Variants in SPON1 observed in about 807,000 individuals in gnomAD.
SPON1 encodes the protein spondin 1, also known as spondin-1.
A neutral mutation model predicts 111.7 loss-of-function variants in SPON1; 52 were observed. The ratio of observed to expected loss-of-function variants is 0.47; its 90% CI spans 0.37 to 0.59. The LOEUF is 0.59. SPON1 is among the 20% of genes least tolerant of loss of function. SPON1 has a pLI of 0.00. For synonymous variants in SPON1, 410 were observed against 395.8 expected (o/e 1.04, Z -0.43); for missense variants, 957 against 1,068.5 (o/e 0.90, Z 1.46).
At chr11:14,237,166 A>C (rs143601508) in intron 6 of SPON1, among the ~76,000 whole-genome samples, 1 of 152,324 alleles carries the variant, frequency 6.6e-6, no homozygotes, top group East Asian at 1.9e-4. Context: ...CAGAACACTC[A>C]CCCAGGCATG....
intron 5 of SPON1, among the ~76,000 whole-genome samples, chr11:14,104,021 A>C (rs1849165935): frequency 6.6e-6 from 1 of 152,140 alleles, no homozygotes; most frequent in South Asian, 2.1e-4. Flanking sequence ...CATAATTAAC[A>C]GTTAGCTTGC....
At chr11:13,977,781 T>C (rs538683475) in intron 1 of SPON1, among the ~76,000 whole-genome samples, 1 of 152,304 alleles carries the variant, frequency 6.6e-6, no homozygotes, top group South Asian at 2.1e-4. Flanking sequence ...TATTTCATGC[T>C]GCCTTCTTAA....
intron 13 of SPON1, 111 bp from the exon 14 acceptor site, chr11:14,260,477 T>C: frequency 7.9e-7 from 1 of 1,258,502 alleles, no homozygotes; most frequent in Non-Finnish European, 1.1e-6. Flanking sequence ...CCAATTCCAC[T>C]TTATTCCAGG....
chr11:14,249,445 G>A (rs185209037), intron 7 of SPON1, among the ~76,000 whole-genome samples: 6 of 152,300 alleles, frequency 3.9e-5, no homozygotes, highest in African/African-American at 1.4e-4. Context: ...TAAACACAGC[G>A]TTTTCCAACG....
intron 6 of SPON1, among the ~76,000 whole-genome samples, chr11:14,182,646 G>A (rs9804490): frequency 0.4 from 61,033 of 151,948 alleles, 12,402 homozygotes; most frequent in East Asian, 0.55. Context: ...AGCTAAAATC[G>A]AGTCCCCATT....
At chr11:14,095,366 C>T (rs533035457) in intron 5 of SPON1, among the ~76,000 whole-genome samples, 1 of 151,790 alleles carries the variant, frequency 6.6e-6, no homozygotes, top group Non-Finnish European at 1.5e-5. Context: ...TACAGTTCTC[C>T]AGAGAAACAG....
intron 1 of SPON1, among the ~76,000 whole-genome samples, chr11:13,973,471 G>A (rs1528651): frequency 0.83 from 126,194 of 152,170 alleles, 52,508 homozygotes; most frequent in East Asian, 0.97. Context: ...TGCTATCCAC[G>A]TGTTGTTCAG....
In SPON1 at chr11:14,266,739, A is replaced by AAAGTT. The variant is rs1849274444; in HGVS notation, c.*1054_*1058dup. On this transcript the variant is annotated 3_prime_UTR_variant, in exon 16 of 16. Coordinates refer to ENST00000576479, the MANE Select transcript of SPON1 (RefSeq NM_006108.4). Reference sequence around the variant, plus strand: ...CATGAAATTTTATATGCAGAGAGAAAAAGTTACCGAGACAGAAAACAAATC... The same window carrying AAAGTT: ...CATGAAATTTTATATGCAGAGAGAAAAAGTTAAGTTACCGAGACAGAAAACAAATC... 1 of 152,184 alleles carries AAAGTT rather than the reference A, an allele frequency of 6.6e-6. No homozygotes were observed. Among genetic ancestry groups the AAAGTT allele is most frequent in the Non-Finnish European group, 1.5e-5 (1 of 68,036 alleles). The allele number at this position is 152,184 out of a possible 1,614,324, so 9.4% of individuals were successfully genotyped here. A position where few individuals can be genotyped will look rare whatever the true frequency, so the allele number is the denominator to read the frequency against.
intron 6 of SPON1, among the ~76,000 whole-genome samples, chr11:14,223,586 G>A (rs1554937808): frequency 6.6e-6 from 1 of 152,216 alleles, no homozygotes; most frequent in Non-Finnish European, 1.5e-5. Context: ...GTGTATCTCT[G>A]TGACTCTGGA....
At chr11:14,104,568 A>G (rs1554924728) in intron 5 of SPON1, among the ~76,000 whole-genome samples, 1 of 151,828 alleles carries the variant, frequency 6.6e-6, no homozygotes, top group East Asian at 1.9e-4. Context: ...TCCATTTTTC[A>G]TTGAATTAAC....
chr11:14,100,961 G>T (rs1012930769), intron 5 of SPON1, among the ~76,000 whole-genome samples: 6 of 152,052 alleles, frequency 3.9e-5, no homozygotes, highest in African/African-American at 1.2e-4. Context: ...TCTGAATTTG[G>T]TTGCTTCCTA....
chr11:13,993,611 T>C (rs1848248777), intron 2 of SPON1, among the ~76,000 whole-genome samples: 1 of 152,170 alleles, frequency 6.6e-6, no homozygotes, highest in Non-Finnish European at 1.5e-5. Flanking sequence ...AGCGAGGCTC[T>C]TTCTCTCTCT....
At chr11:14,155,994 T>C (rs556847742) in intron 6 of SPON1, among the ~76,000 whole-genome samples, 1 of 128,306 alleles carries the variant, frequency 7.8e-6, no homozygotes, top group East Asian at 2.6e-4. Flanking sequence ...GCATGATTTA[T>C]AGTCCTTTGG....
intron 1 of SPON1, among the ~76,000 whole-genome samples, chr11:13,971,054 C>G (rs552527583): frequency 2.0e-5 from 3 of 152,112 alleles, no homozygotes; most frequent in African/African-American, 7.2e-5. Context: ...TCTAAGAGAG[C>G]TGGATGGAGG....
intron 5 of SPON1, among the ~76,000 whole-genome samples, chr11:14,125,922 G>A (rs146787673): frequency 2.0e-5 from 3 of 152,298 alleles, no homozygotes; most frequent in Non-Finnish European, 2.9e-5. Flanking sequence ...CAGGATTGTT[G>A]ATGGTTCAGT....
chr11:14,190,200 A>T (rs199711407), intron 6 of SPON1, among the ~76,000 whole-genome samples: 1 of 150,386 alleles, frequency 6.6e-6, no homozygotes, highest in Non-Finnish European at 1.5e-5. Context: ...CAGCCAAGCA[A>T]GAACAAGCTG....
intron 5 of SPON1, among the ~76,000 whole-genome samples, chr11:14,101,561 C>G (rs938681571): frequency 3.3e-5 from 5 of 151,910 alleles, no homozygotes; most frequent in African/African-American, 9.7e-5. Context: ...CCTCTGGTGA[C>G]TCAGATATTG....
intron 5 of SPON1, among the ~76,000 whole-genome samples, chr11:14,092,873 G>A (rs1290043701): frequency 6.6e-5 from 10 of 152,230 alleles, no homozygotes; most frequent in South Asian, 2.1e-4. Context: ...CAGAGTGTCC[G>A]AAACAAAATC....
At chr11:14,145,962 G>T (rs1303806567) in intron 6 of SPON1, among the ~76,000 whole-genome samples, 2 of 152,064 alleles carry the variant, frequency 1.3e-5, no homozygotes, top group African/African-American at 4.8e-5. Flanking sequence ...AAAATGGCAG[G>T]TTAGAGTGAA....
Sources: gnomAD v4.1 joint callset for allele counts (sites outside exome capture counted in the v4.1 genomes callset) on GRCh38, gnomAD v4.1.1 for gene constraint, MANE v1.5 for transcripts, NCBI Gene and HGNC (gene_info 2026-07-23, HGNC 2026-07-21) for gene names.